Variants in SUPT3H observed in about 807,000 individuals in gnomAD.
SUPT3H encodes the protein SPT3 homolog, SAGA and STAGA complex component.
Under a neutral mutation model 44.3 loss-of-function variants are expected in SUPT3H, and 44 were observed. The ratio of observed to expected loss-of-function variants is 0.99; its 90% CI spans 0.78 to 1.28. The LOEUF (loss-of-function observed/expected upper bound fraction) is 1.28, where lower values mean the gene tolerates loss of function less well. Among genes scored for constraint, SUPT3H ranks in the 50% most tolerant of loss-of-function variants. The pLI, the probability that SUPT3H is intolerant of heterozygous loss-of-function variation, is 0.00. For synonymous variants in SUPT3H, 124 were observed against 125.6 expected, an observed-to-expected ratio of 0.99 and a Z score of 0.09; for missense variants, 380 against 387.1, an observed-to-expected ratio of 0.98 and a Z score of 0.15.
chr6:45,165,639 T>C (rs1383198228), intron 2 of SUPT3H, among the ~76,000 whole-genome samples: 2 of 151,780 alleles, frequency 1.3e-5, no homozygotes, highest in African/African-American at 4.8e-5. Context: ...GGATTGCAAA[T>C]GAGAAACAAA....
intron 10 of SUPT3H, among the ~76,000 whole-genome samples, chr6:44,901,802 C>G (rs1308648010): frequency 6.6e-6 from 1 of 152,158 alleles, no homozygotes; most frequent in Non-Finnish European, 1.5e-5. Flanking sequence ...AAAGGGAAGC[C>G]CATCAGACTA....
At chr6:44,967,387 C>T (rs558662128) in intron 6 of SUPT3H, among the ~76,000 whole-genome samples, 2 of 152,308 alleles carry the variant, frequency 1.3e-5, no homozygotes, top group African/African-American at 4.8e-5. Context: ...GCTAATATCC[C>T]TACAGATACA....
intron 2 of SUPT3H, among the ~76,000 whole-genome samples, chr6:45,182,207 C>T (rs1232395068): frequency 2.0e-5 from 3 of 152,182 alleles, no homozygotes; most frequent in African/African-American, 7.2e-5. Flanking sequence ...CTGTTACTGT[C>T]CCATAGAGCT....
chr6:45,030,813 T>C (rs889339608), intron 3 of SUPT3H, among the ~76,000 whole-genome samples: 2 of 152,168 alleles, frequency 1.3e-5, no homozygotes, highest in African/African-American at 2.4e-5. Flanking sequence ...TGAGAAAATA[T>C]ATAGAGAAAG....
chr6:45,187,702 C>T (rs1300365888), intron 2 of SUPT3H, among the ~76,000 whole-genome samples: 2 of 151,966 alleles, frequency 1.3e-5, no homozygotes, highest in African/African-American at 4.8e-5. Flanking sequence ...ACTGTTATAC[C>T]AAGACAATAC....
chr6:44,847,793 G>A (rs1346900081), intron 10 of SUPT3H, among the ~76,000 whole-genome samples: 1 of 151,638 alleles, frequency 6.6e-6, no homozygotes, highest in Non-Finnish European at 1.5e-5. Context: ...CAGCCTATGG[G>A]AAGATTTTTT....
chr6:45,008,643 C>T (rs546764468), intron 5 of SUPT3H, among the ~76,000 whole-genome samples: 2 of 152,210 alleles, frequency 1.3e-5, no homozygotes, highest in South Asian at 2.1e-4. Context: ...ATATGAGCCA[C>T]CATACTCGGC....
intron 2 of SUPT3H, among the ~76,000 whole-genome samples, chr6:45,280,140 A>G (rs550273729): frequency 1.4e-3 from 210 of 152,284 alleles, no homozygotes; most frequent in Non-Finnish European, 2.2e-3. Flanking sequence ...ACGGGAAGCC[A>G]AATTTTTCCA....
intron 2 of SUPT3H, among the ~76,000 whole-genome samples, chr6:45,187,480 G>A (rs1221696041): frequency 6.6e-6 from 1 of 151,360 alleles, no homozygotes; most frequent in Non-Finnish European, 1.5e-5. Flanking sequence ...CCCTTACGAG[G>A]GCTGTGTGCC....
intron 2 of SUPT3H, among the ~76,000 whole-genome samples, chr6:45,254,404 A>G (rs769158684): frequency 9.2e-5 from 14 of 152,178 alleles, no homozygotes; most frequent in Non-Finnish European, 1.9e-4. Context: ...AATACAAAGG[A>G]CACTAAAATT....
At position 45,285,505 on chromosome 6, in the gene SUPT3H, A is replaced by G. The variant is rs543200417; in HGVS notation, c.101+79696T>C. Among the ~76,000 whole-genome samples, 279 of 152,254 alleles carry G rather than the reference A, an allele frequency of 1.8e-3. 1 individual carries two copies. The highest frequency in any genetic ancestry group is 6.2e-3 in the African/African-American group (258 of 41,548). ...ACTCCCATTCACAATTGCTTCAAAGAGAATAAAATACCTAGGAATCCAACT... is the reference window on the plus strand; with the variant it reads ...ACTCCCATTCACAATTGCTTCAAAGGGAATAAAATACCTAGGAATCCAACT... On this transcript the variant is annotated intron_variant, in intron 2 of 10. Transcript: ENST00000371459.
chr6:45,004,472 T>C (rs1159131), intron 5 of SUPT3H, among the ~76,000 whole-genome samples: 68,945 of 151,720 alleles, frequency 0.45, 16,156 homozygotes, highest in Admixed American at 0.55. Flanking sequence ...CATATAAGAA[T>C]CTATATTATC....
chr6:45,136,199 T>TA (rs1364550550), intron 2 of SUPT3H, among the ~76,000 whole-genome samples: 1 of 152,062 alleles, frequency 6.6e-6, no homozygotes, highest in Non-Finnish European at 1.5e-5. Flanking sequence ...CACAAGGCTG[T>TA]AAGAAACAGA....
chr6:44,949,339 T>C (rs956518771), intron 9 of SUPT3H, among the ~76,000 whole-genome samples: 3 of 151,648 alleles, frequency 2.0e-5, no homozygotes, highest in Non-Finnish European at 4.4e-5. Flanking sequence ...TGTATACATA[T>C]GTAACAAACC....
At chr6:45,058,238 C>T (rs906676090) in intron 3 of SUPT3H, among the ~76,000 whole-genome samples, 3 of 151,918 alleles carry the variant, frequency 2.0e-5, no homozygotes, top group Admixed American at 6.6e-5. Context: ...TAAAACAAAC[C>T]CTCACACCAG....
At chr6:45,037,257 C>T (rs1444348364) in intron 3 of SUPT3H, among the ~76,000 whole-genome samples, 1 of 150,784 alleles carries the variant, frequency 6.6e-6, no homozygotes, top group African/African-American at 2.4e-5. Flanking sequence ...GTAGGAGTGG[C>T]TGCAGTGGAA....
intron 2 of SUPT3H, among the ~76,000 whole-genome samples, chr6:45,279,544 G>C (rs939522306): frequency 2.0e-5 from 3 of 152,066 alleles, no homozygotes; most frequent in African/African-American, 7.2e-5. Flanking sequence ...CCCCCTTTCT[G>C]AATTGCTCCT....
intron 2 of SUPT3H, among the ~76,000 whole-genome samples, chr6:45,131,603 G>A (rs918399467): frequency 6.6e-6 from 1 of 152,136 alleles, no homozygotes; most frequent in Admixed American, 6.5e-5. Context: ...TACCATATAA[G>A]CCAAAGCCCT....
intron 2 of SUPT3H, among the ~76,000 whole-genome samples, chr6:45,202,638 C>T (rs183409533): frequency 1.3e-5 from 2 of 152,132 alleles, no homozygotes; most frequent in East Asian, 1.9e-4. Flanking sequence ...ATACCTTGTA[C>T]ATTATTACTA....
Sources: gnomAD v4.1 joint callset for allele counts (sites outside exome capture counted in the v4.1 genomes callset) on GRCh38, gnomAD v4.1.1 for gene constraint, MANE v1.5 for transcripts, NCBI Gene and HGNC (gene_info 2026-07-23, HGNC 2026-07-21) for gene names.